The following ARID4B variants were observed in gnomAD, a reference collection of about 807,000 sequenced individuals.
The protein encoded by ARID4B is AT-rich interaction domain 4B.
Under a neutral mutation model 147.5 loss-of-function variants are expected in ARID4B, and 26 were observed. That is an observed-to-expected ratio of 0.18 (90% CI 0.13 to 0.24). The LOEUF is 0.24. ARID4B is among the 10% of genes least tolerant of loss of function. ARID4B has a pLI of 1.00. For synonymous variants in ARID4B, 512 were observed against 507.9 expected (o/e 1.01, Z -0.11); for missense variants, 1,179 against 1,511.5 (o/e 0.78, Z 3.65).
intron 23 of ARID4B, among the ~76,000 whole-genome samples, 183 bp downstream of exon 23, chr1:235,172,435 G>A (rs748261521): frequency 8.6e-5 from 13 of 151,990 alleles, no homozygotes; most frequent in African/African-American, 2.9e-4. Context: ...AAAATTAGCC[G>A]GGCTTGGTGG....
At chr1:235,282,369 A>G (rs1191819999) in intron 2 of ARID4B, among the ~76,000 whole-genome samples, 2 of 152,222 alleles carry the variant, frequency 1.3e-5, no homozygotes, top group Non-Finnish European at 2.9e-5. Flanking sequence ...GCTACTTCAC[A>G]GGATATAATC....
intron 2 of ARID4B, among the ~76,000 whole-genome samples, chr1:235,291,328 A>C (rs1186938877): frequency 6.6e-6 from 1 of 152,078 alleles, no homozygotes; most frequent in Non-Finnish European, 1.5e-5. Context: ...GAATGGCGTG[A>C]ACTTGGGAGG....
intron 2 of ARID4B, among the ~76,000 whole-genome samples, chr1:235,289,423 T>C (rs1242431376): frequency 1.3e-5 from 2 of 152,150 alleles, no homozygotes; most frequent in Admixed American, 1.3e-4. Flanking sequence ...TCAGTAATTT[T>C]TTTTAGAGAC....
At chr1:235,242,808 G>T (rs1572061484) in intron 7 of ARID4B, among the ~76,000 whole-genome samples, 1 of 152,038 alleles carries the variant, frequency 6.6e-6, no homozygotes, top group African/African-American at 2.4e-5. Context: ...AAATTGCAAG[G>T]TTCCTGTCTA....
chr1:235,257,250 C>T, intron 3 of ARID4B, 25 bp from the exon 4 acceptor site: 2 of 1,550,662 alleles, frequency 1.3e-6, no homozygotes, highest in Non-Finnish European at 1.8e-6. Flanking sequence ...TTTAATTAGC[C>T]ACCAAAAATA....
Position 235,167,270 on chromosome 1 carries a change from T to C in ARID4B, c.*1255A>G, listed in dbSNP as rs1207874971. On this transcript the variant is annotated 3_prime_UTR_variant, in exon 24 of 24. Coordinates refer to ENST00000264183, the MANE Select transcript of ARID4B (RefSeq NM_016374.6). ...CCCATCCAAAAAAAGTACACAGAACTACAATTAAAACAGTAAAACAGTCTG... is the reference window on the plus strand; with the variant it reads ...CCCATCCAAAAAAAGTACACAGAACCACAATTAAAACAGTAAAACAGTCTG... 4.6e-6 allele frequency: 1 copy of C among 215,940 alleles called. No individual in the cohort carries two copies. The highest frequency in any genetic ancestry group is 9.4e-6 in the Non-Finnish European group (1 of 106,916). 13.4% of individuals were successfully genotyped at this position (215,940 alleles called of 1,614,324 possible).
chr1:235,183,103 G>T (rs541913344), intron 19 of ARID4B, among the ~76,000 whole-genome samples: 1 of 150,808 alleles, frequency 6.6e-6, no homozygotes, highest in Non-Finnish European at 1.5e-5. Flanking sequence ...AAATAAAAAA[G>T]AAAAAAGCTT....
intron 2 of ARID4B, among the ~76,000 whole-genome samples, chr1:235,305,020 G>A (rs1023537262): frequency 6.6e-6 from 1 of 152,186 alleles, no homozygotes; most frequent in Non-Finnish European, 1.5e-5. Flanking sequence ...TATCTATCAA[G>A]GGGAAATTTA....
intron 23 of ARID4B, among the ~76,000 whole-genome samples, chr1:235,168,976 A>T (rs1208224395): frequency 2.6e-5 from 4 of 152,232 alleles, no homozygotes; most frequent in Non-Finnish European, 4.4e-5. Context: ...TAACAGTGAA[A>T]CAAGTATCAA....
At chr1:235,301,063 T>TTTTTTA (rs1558293945) in intron 2 of ARID4B, among the ~76,000 whole-genome samples, 1 of 124,356 alleles carries the variant, frequency 8.0e-6, no homozygotes, top group Non-Finnish European at 1.7e-5. Context: ...TTTTTTTTTT[T>TTTTTTA]AGTATACAGA....
intron 2 of ARID4B, among the ~76,000 whole-genome samples, chr1:235,307,449 C>CA (rs545385675): frequency 2.0e-5 from 3 of 149,852 alleles, no homozygotes; most frequent in African/African-American, 2.5e-5. Flanking sequence ...TGTCTCTTTA[C>CA]AAAAAAAGAA....
intron 2 of ARID4B, among the ~76,000 whole-genome samples, chr1:235,299,976 T>A (rs904990971): frequency 1.3e-5 from 2 of 152,120 alleles, no homozygotes; most frequent in African/African-American, 2.4e-5. Context: ...TCCAAATGGG[T>A]TCCTGAAACA....
chr1:235,245,125 A>G (rs909229085), intron 7 of ARID4B, among the ~76,000 whole-genome samples: 5 of 152,196 alleles, frequency 3.3e-5, no homozygotes, highest in African/African-American at 7.2e-5. Flanking sequence ...CATACTTTAC[A>G]CATGTATAAC....
chr1:235,294,511 T>C (rs1254036247), intron 2 of ARID4B, among the ~76,000 whole-genome samples: 1 of 5,272 alleles, frequency 1.9e-4, no homozygotes, highest in African/African-American at 8.3e-4. Flanking sequence ...GTTCAAGCAA[T>C]TCTCCCGCTT....
intron 10 of ARID4B, 143 bp from the exon 11 acceptor site, chr1:235,229,528 A>G: frequency 1.6e-6 from 1 of 631,936 alleles, no homozygotes. Flanking sequence ...AAACTGTGTT[A>G]AGTGCTTTTA....
In ARID4B at chr1:235,194,050, C is replaced by A; in HGVS notation, c.2088G>T (p.Lys696Asn). The A allele has an allele frequency of 6.2e-7, 1 of 1,611,884 alleles. No individual in the cohort carries two copies. Among genetic ancestry groups the A allele is most frequent in the Non-Finnish European group, 8.5e-7 (1 of 1,178,130 alleles). The change falls in exon 19 of 24, where the codon AAG (lysine) becomes AAT (asparagine). Residue 696 changes from lysine (K) to asparagine (N), a missense_variant. This residue lies in a region of ARID4B where 321 missense variants were observed against 342.4 expected (regional missense o/e 0.94). Coordinates refer to ENST00000264183, the MANE Select transcript of ARID4B (RefSeq NM_016374.6). ...DAKNSDTAHI[K>N]SIEITSILNG... The stretch of plus-strand genomic sequence containing the variant: ...TAAGGATCGAAGTAATTTCTATGGA[C>A]TTAATATGAGCAGTATCAGAGTTTT...
At chr1:235,266,654 A>T (rs1670630935) in intron 2 of ARID4B, among the ~76,000 whole-genome samples, 1 of 151,902 alleles carries the variant, frequency 6.6e-6, no homozygotes, top group Non-Finnish European at 1.5e-5. Flanking sequence ...ATTAGTGGAT[A>T]ATAATCCTTC....
At chr1:235,203,269 A>C (rs1214465309) in intron 17 of ARID4B, among the ~76,000 whole-genome samples, 1 of 152,230 alleles carries the variant, frequency 6.6e-6, no homozygotes, top group African/African-American at 2.4e-5. Context: ...TTTTGTAATA[A>C]TAAAAATGGA....
intron 7 of ARID4B, among the ~76,000 whole-genome samples, chr1:235,243,996 A>C (rs937944669): frequency 3.3e-5 from 5 of 152,198 alleles, no homozygotes; most frequent in African/African-American, 1.2e-4. Context: ...AAAAACCACT[A>C]AACTGTACAC....
Sources: allele counts gnomAD v4.1 joint callset (sites outside exome capture counted in the v4.1 genomes callset), GRCh38; gene constraint gnomAD v4.1.1; regional missense constraint gnomAD v4.1.1; transcripts MANE v1.5; gene names NCBI Gene and HGNC (gene_info 2026-07-23, HGNC 2026-07-21).